The following ARHGAP22 variants were observed in gnomAD, a reference collection of about 807,000 sequenced individuals.
ARHGAP22 encodes the protein Rho GTPase activating protein 22.
Under a neutral mutation model 59.1 loss-of-function variants are expected in ARHGAP22, and 48 were observed. That is an observed-to-expected ratio of 0.81 (90% CI 0.64 to 1.03). The LOEUF is 1.03. ARHGAP22 is among the 50% of genes least tolerant of loss of function. The pLI is 0.00. For missense variants in ARHGAP22, 1,015 were observed against 958.7 expected, an observed-to-expected ratio of 1.06 and a Z score of -0.78; for synonymous variants, 445 against 416.4, an observed-to-expected ratio of 1.07 and a Z score of -0.84.
chr10:48,618,746 A>G lies in ARHGAP22; in HGVS notation c.52+33488T>C, dbSNP rs12764443. 4.5e-3 allele frequency among the ~76,000 whole-genome samples: 688 copies of G among 152,300 alleles called. 8 individuals carry two copies. The highest frequency in any genetic ancestry group is 8.2e-3 in the Admixed American group (125 of 15,292). Reference sequence around the variant, plus strand: ...CAAACCACAGCCTACATCATATTGAATAGGGAAAAGTTGAAAGCTTTTCCT... The same window carrying G: ...CAAACCACAGCCTACATCATATTGAGTAGGGAAAAGTTGAAAGCTTTTCCT... On this transcript the variant is annotated intron_variant, in intron 1 of 9. Transcript: ENST00000435790.
At chr10:48,541,920 T>C (rs2055987013) in intron 3 of ARHGAP22, among the ~76,000 whole-genome samples, 1 of 152,182 alleles carries the variant, frequency 6.6e-6, no homozygotes, top group Admixed American at 6.5e-5. Context: ...CCCTTTGCCG[T>C]ATTGGATCAG....
intron 5 of ARHGAP22, among the ~76,000 whole-genome samples, chr10:48,455,848 A>G (rs2046444682): frequency 6.6e-6 from 1 of 152,218 alleles, no homozygotes. Flanking sequence ...CAGCAGGAGC[A>G]GGTCGGAGGT....
At chr10:48,654,750 T>G (rs1305310494), upstream of ARHGAP22, among the ~76,000 whole-genome samples, 2 of 151,714 alleles carry the variant, frequency 1.3e-5, no homozygotes, top group Non-Finnish European at 2.9e-5. Context: ...GAATGTTAGT[T>G]CCTCTCCTTG....
At chr10:48,623,863 A>G (rs1408799807) in intron 1 of ARHGAP22, 1 of 152,246 alleles carries the variant, frequency 6.6e-6, no homozygotes, top group Non-Finnish European at 1.5e-5. Flanking sequence ...GAGAAATTCA[A>G]ATTGGTGACA....
In ARHGAP22 at chr10:48,450,511, G is replaced by A. The variant is rs866971467; in HGVS notation, c.1618C>T (p.Arg540Cys). ...GCCCAGTCGGTGTGCAGGGAACTGC[G>A]GGCAGACGAGTCGCTGGCGCGGCAG... The part of the protein sequence containing the change: ...TACRASDSSA[R>C]SSLHTDWALE... The change falls in exon 9 of 10, where the codon CGC becomes TGC. Residue 540 changes from arginine to cysteine, a missense_variant. Coordinates refer to ENST00000249601, the MANE Select transcript of ARHGAP22 (RefSeq NM_021226.4). The A allele has an allele frequency of 3.9e-6, 6 of 1,527,384 alleles. No homozygotes were observed. In the Middle Eastern group the frequency reaches 5.3e-4, roughly 134 times the overall value. 94.6% of individuals were successfully genotyped at this position (1,527,384 alleles called of 1,614,324 possible). A position where few individuals can be genotyped will look rare whatever the true frequency, so the allele number is the denominator to read the frequency against.
intron 1 of ARHGAP22, chr10:48,624,133 G>C (rs891009881): frequency 6.6e-6 from 1 of 152,292 alleles, no homozygotes; most frequent in African/African-American, 2.4e-5. Context: ...AAGGATTGTT[G>C]AGATCATCAA....
intron 3 of ARHGAP22, among the ~76,000 whole-genome samples, chr10:48,545,849 T>A (rs2056387876): frequency 6.6e-6 from 1 of 152,150 alleles, no homozygotes; most frequent in African/African-American, 2.4e-5. Flanking sequence ...ACTGGCTCCC[T>A]CTGGACAAAC....
chr10:48,640,333 A>G (rs1005030720), intron 1 of ARHGAP22, among the ~76,000 whole-genome samples: 29 of 152,234 alleles, frequency 1.9e-4, no homozygotes, highest in African/African-American at 5.5e-4. Flanking sequence ...AATTACTGAC[A>G]ACTTCCTAAA....
chr10:48,644,803 C>G (rs186215847), intron 1 of ARHGAP22, among the ~76,000 whole-genome samples: 2 of 151,870 alleles, frequency 1.3e-5, no homozygotes, highest in African/African-American at 4.8e-5. Flanking sequence ...GCTTTAAATG[C>G]GTATATCAGA....
chr10:48,540,433 G>T (rs189032958), intron 3 of ARHGAP22, among the ~76,000 whole-genome samples: 24 of 152,274 alleles, frequency 1.6e-4, no homozygotes, highest in African/African-American at 5.1e-4. Context: ...GTTTCTCCAT[G>T]TTGGTCAGGC....
intron 3 of ARHGAP22, among the ~76,000 whole-genome samples, chr10:48,512,650 AG>A (rs2052898160): frequency 6.6e-6 from 1 of 152,194 alleles, no homozygotes; most frequent in African/African-American, 2.4e-5. Flanking sequence ...CAACCTAGTG[AG>A]ACATCCCAAT....
intron 3 of ARHGAP22, chr10:48,493,518 G>C: frequency 1.3e-6 from 2 of 1,534,398 alleles, no homozygotes; most frequent in Non-Finnish European, 1.7e-6. Context: ...GCTGCAGTGA[G>C]AGGAGCAGTG....
the ARHGAP22 span, among the ~76,000 whole-genome samples, chr10:48,433,591 G>A: frequency 7.9e-5 from 12 of 152,028 alleles, no homozygotes; most frequent in Admixed American, 3.3e-4. Context: ...TTTCTCTTCC[G>A]TTTCAGCTCC....
chr10:48,454,853 C>G, intron 6 of ARHGAP22, 149 bp downstream of exon 6: 1 of 730,066 alleles, frequency 1.4e-6, no homozygotes, highest in Non-Finnish European at 1.9e-6. Context: ...GCAGGATGCT[C>G]CAGGCCCCCA....
intron 2 of ARHGAP22, among the ~76,000 whole-genome samples, chr10:48,557,637 T>G (rs2057391412): frequency 6.6e-6 from 1 of 152,244 alleles, no homozygotes; most frequent in African/African-American, 2.4e-5. Context: ...TTTGCTTCCC[T>G]ATCTTTATCA....
At chr10:48,654,825 T>TCTTTCTTTCTTCCTTCCTTC (rs1386352699), upstream of ARHGAP22, among the ~76,000 whole-genome samples, 199 of 62,484 alleles carry the variant, frequency 3.2e-3, no homozygotes, top group African/African-American at 8.8e-3. Flanking sequence ...TTTCTTTCTT[T>TCTTTCTTTCTTCCTTCCTTC]CTTCCTTCCT....
chr10:48,462,827 A>G (rs183851957), intron 4 of ARHGAP22, among the ~76,000 whole-genome samples: 308 of 152,360 alleles, frequency 2.0e-3, no homozygotes, highest in Non-Finnish European at 3.4e-3. Context: ...TGCCAGGGAC[A>G]GCTGTGAGAA....
chr10:48,524,244 G>A (rs2054113686), intron 3 of ARHGAP22: 1 of 361,638 alleles, frequency 2.8e-6, no homozygotes, highest in Non-Finnish European at 3.9e-6. Flanking sequence ...GCGGCTCCCG[G>A]GCCCTCACAC....
intron 3 of ARHGAP22, among the ~76,000 whole-genome samples, chr10:48,522,228 T>G (rs2053870177): frequency 1.3e-5 from 2 of 152,228 alleles, no homozygotes; most frequent in Admixed American, 1.3e-4. Flanking sequence ...TTGGCCAGCT[T>G]GGCTAACTTC....
Sources: gnomAD v4.1 joint callset for allele counts (sites outside exome capture counted in the v4.1 genomes callset) on GRCh38, gnomAD v4.1.1 for gene constraint, MANE v1.5 for transcripts, NCBI Gene and HGNC (gene_info 2026-07-23, HGNC 2026-07-21) for gene names.